Variants in EVA1A observed in about 807,000 individuals in gnomAD.
EVA1A encodes the protein protein eva-1 homolog A.
Under a neutral mutation model 9.8 loss-of-function variants are expected in EVA1A, and 7 were observed. The ratio of observed to expected loss-of-function variants is 0.71; its 90% CI spans 0.41 to 1.34. The LOEUF is 1.34. EVA1A is among the 40% of genes most tolerant of loss of function. The probability of loss-of-function intolerance (pLI) is 0.01; values close to 1 mark genes in which losing one functional copy is unlikely to be tolerated. For missense variants in EVA1A, 206 were observed against 205.9 expected (o/e 1.00, Z 0.00); for synonymous variants, 90 against 85.6 (o/e 1.05, Z -0.28).
chr2:75,563,530 C>A (rs1013355937), upstream of EVA1A, among the ~76,000 whole-genome samples: 1 of 152,186 alleles, frequency 6.6e-6, no homozygotes, highest in African/African-American at 2.4e-5. Flanking sequence ...TCATAGATAC[C>A]GAACTCTACG....
chr2:75,559,356 C>T lies in EVA1A; in HGVS notation c.-192+1324G>A, dbSNP rs114973170. Reference sequence around the variant, plus strand: ...AACCATTACTTTAAGCCCTAGCATCCCTGCTTTACAGATGAGGAAATCCAG... The same window carrying T: ...AACCATTACTTTAAGCCCTAGCATCTCTGCTTTACAGATGAGGAAATCCAG... On this transcript the variant is annotated intron_variant, in intron 1 of 3. Coordinates refer to ENST00000393913, the MANE Select transcript of EVA1A (RefSeq NM_001135032.2). Among the ~76,000 whole-genome samples the T allele has an allele frequency of 4.8e-3, 724 of 152,258 alleles. 2 individuals carry two copies. Among genetic ancestry groups the T allele is most frequent in the South Asian group, 0.025 (122 of 4,818 alleles).
chr2:75,545,545 A>T (rs1435870022), intron 1 of EVA1A, among the ~76,000 whole-genome samples: 2 of 152,182 alleles, frequency 1.3e-5, no homozygotes, highest in Non-Finnish European at 2.9e-5. Context: ...AGCGTAACTG[A>T]GGTGTCAGCA....
chr2:75,528,947 G>A (rs1675549796), intron 1 of EVA1A, among the ~76,000 whole-genome samples: 1 of 152,218 alleles, frequency 6.6e-6, no homozygotes, highest in South Asian at 2.1e-4. Flanking sequence ...TGGCTAACCA[G>A]AGGTCCTGAA....
intron 3 of EVA1A, among the ~76,000 whole-genome samples, chr2:75,494,227 C>T (rs1483560110): frequency 1.3e-5 from 2 of 152,056 alleles, no homozygotes; most frequent in African/African-American, 2.4e-5. Context: ...ACATTATTTG[C>T]GAGATGAGAA....
intron 3 of EVA1A, among the ~76,000 whole-genome samples, chr2:75,505,798 A>C (rs1177831784): frequency 6.6e-6 from 1 of 152,016 alleles, no homozygotes; most frequent in African/African-American, 2.4e-5. Context: ...TGGAAGACAG[A>C]GACTCTGTCT....
chr2:75,540,104 G>A (rs1676057806), intron 1 of EVA1A, among the ~76,000 whole-genome samples: 1 of 152,210 alleles, frequency 6.6e-6, no homozygotes, highest in African/African-American at 2.4e-5. Flanking sequence ...GGAAACCATA[G>A]GTATGGAGCC....
intron 1 of EVA1A, among the ~76,000 whole-genome samples, chr2:75,540,571 A>G (rs1239642565): frequency 6.6e-6 from 1 of 152,234 alleles, no homozygotes; most frequent in Non-Finnish European, 1.5e-5. Context: ...AAGCTTGCAC[A>G]GTAATTCAAG....
chr2:75,558,081 C>T (rs969621378), intron 1 of EVA1A, among the ~76,000 whole-genome samples: 1 of 152,244 alleles, frequency 6.6e-6, no homozygotes, highest in African/African-American at 2.4e-5. Context: ...CTTAGCCTCT[C>T]TGTGCCTCTG....
chr2:75,528,471 G>T (rs765992904), intron 1 of EVA1A, among the ~76,000 whole-genome samples: 9 of 152,144 alleles, frequency 5.9e-5, no homozygotes, highest in African/African-American at 9.7e-5. Flanking sequence ...GGCTGTGTGG[G>T]AGCTGGGTGA....
intron 1 of EVA1A, among the ~76,000 whole-genome samples, chr2:75,523,507 C>A (rs1432161411): frequency 6.6e-6 from 1 of 152,168 alleles, no homozygotes; most frequent in Non-Finnish European, 1.5e-5. Context: ...AGAGAAATAA[C>A]TGAGCTGAGA....
chr2:75,556,041 T>A (rs1440992511), intron 1 of EVA1A, among the ~76,000 whole-genome samples: 2 of 152,192 alleles, frequency 1.3e-5, no homozygotes, highest in African/African-American at 4.8e-5. Context: ...TATTCACACG[T>A]CCCTCATATG....
At chr2:75,535,061 C>T (rs1409323808) in intron 1 of EVA1A, among the ~76,000 whole-genome samples, 2 of 151,156 alleles carry the variant, frequency 1.3e-5, no homozygotes, top group Non-Finnish European at 2.9e-5. Context: ...CCAGAATCTC[C>T]AAGGAAGTCA....
chr2:75,535,587 T>A (rs766763355), intron 1 of EVA1A, among the ~76,000 whole-genome samples: 3 of 152,242 alleles, frequency 2.0e-5, no homozygotes, highest in Admixed American at 6.5e-5. Context: ...ATGTAATTCA[T>A]TCATCAGTTG....
At chr2:75,494,570 C>CT (rs1408703328) in intron 3 of EVA1A, among the ~76,000 whole-genome samples, 1 of 152,186 alleles carries the variant, frequency 6.6e-6, no homozygotes, top group Non-Finnish European at 1.5e-5. Flanking sequence ...GGCCAACACC[C>CT]TTTGAGGAAT....
At chr2:75,557,037 C>T (rs527347313) in intron 1 of EVA1A, among the ~76,000 whole-genome samples, 32 of 152,074 alleles carry the variant, frequency 2.1e-4, no homozygotes, top group Non-Finnish European at 3.7e-4. Flanking sequence ...TTTCCCTGGC[C>T]CCTAAAAAAC....
In EVA1A at chr2:75,496,116, C is replaced by T. The variant is rs192587418; in HGVS notation, c.86-2507G>A. Among the ~76,000 whole-genome samples, 842 of 152,056 alleles carry T rather than the reference C, an allele frequency of 5.5e-3. 7 individuals are homozygous for T. Among genetic ancestry groups the T allele is most frequent in the Middle Eastern group, 0.014 (4 of 294 alleles). ...GTTGGGAGGATCAGTGTAGATAATGCAAGTGAAAGTGCTTGGTAAACGTTC... is the reference window on the plus strand; with the variant it reads ...GTTGGGAGGATCAGTGTAGATAATGTAAGTGAAAGTGCTTGGTAAACGTTC... On this transcript the variant is annotated intron_variant, in intron 3 of 3. Transcript: ENST00000393913.
At chr2:75,531,149 C>A (rs549929055) in intron 1 of EVA1A, among the ~76,000 whole-genome samples, 8 of 152,232 alleles carry the variant, frequency 5.3e-5, no homozygotes, top group Admixed American at 2.0e-4. Flanking sequence ...GTCACCTTTA[C>A]AATAGCTGCA....
intron 3 of EVA1A, among the ~76,000 whole-genome samples, chr2:75,509,086 A>T (rs1674721208): frequency 6.6e-6 from 1 of 152,180 alleles, no homozygotes; most frequent in Admixed American, 6.5e-5. Context: ...TGCCTGTGCA[A>T]ATCGAGGAAC....
chr2:75,496,545 T>C (rs184890223), intron 3 of EVA1A, among the ~76,000 whole-genome samples: 118 of 152,090 alleles, frequency 7.8e-4, no homozygotes, highest in African/African-American at 2.3e-3. Flanking sequence ...CACAAACAAA[T>C]AGAAAAATAC....
Sources: allele counts gnomAD v4.1 joint callset (sites outside exome capture counted in the v4.1 genomes callset), GRCh38; gene constraint gnomAD v4.1.1; transcripts MANE v1.5; gene names NCBI Gene and HGNC (gene_info 2026-07-23, HGNC 2026-07-21).